Variants in STAG1 observed in about 807,000 individuals in gnomAD.
The protein encoded by STAG1 is STAG1 cohesin complex component.
STAG1 carries 26 observed loss-of-function variants against 170.9 expected under a neutral mutation model. The observed-to-expected ratio is 0.15, with a 90% CI of 0.11 to 0.21. STAG1 has a LOEUF of 0.21. Ranked by LOEUF, STAG1 falls within the 10% of genes least tolerant of loss-of-function variation. The pLI, the probability that STAG1 is intolerant of heterozygous loss-of-function variation, is 1.00. For synonymous variants in STAG1, 514 were observed against 497.7 expected (o/e 1.03, Z -0.44); for missense variants, 964 against 1,509.5 (o/e 0.64, Z 5.99).
intron 1 of STAG1, among the ~76,000 whole-genome samples, chr3:136,699,646 C>T (rs926847290): frequency 6.6e-6 from 1 of 151,598 alleles, no homozygotes; most frequent in African/African-American, 2.4e-5. Flanking sequence ...AGGTAGAGGC[C>T]ATTGTTCTAA....
chr3:136,640,696 CAG>C (rs1940760294), intron 1 of STAG1, among the ~76,000 whole-genome samples: 1 of 142,650 alleles, frequency 7.0e-6, no homozygotes, highest in Non-Finnish European at 1.5e-5. Flanking sequence ...TTTTTTTAGA[CAG>C]AGTCTTGCTC....
intron 1 of STAG1, among the ~76,000 whole-genome samples, chr3:136,644,305 G>C: frequency 6.6e-6 from 1 of 152,090 alleles, no homozygotes; most frequent in Non-Finnish European, 1.5e-5. Flanking sequence ...TAAAATTAGG[G>C]GAAGAACAAG....
intron 22 of STAG1, among the ~76,000 whole-genome samples, chr3:136,393,716 C>A (rs188947648): frequency 1.8e-4 from 27 of 151,162 alleles, no homozygotes; most frequent in African/African-American, 6.5e-4. Context: ...CTGCCTCAGA[C>A]TCCCGAGTAG....
chr3:136,505,200 A>T (rs1446888122), intron 7 of STAG1, among the ~76,000 whole-genome samples: 3 of 152,236 alleles, frequency 2.0e-5, no homozygotes, highest in Admixed American at 2.0e-4. Flanking sequence ...GTAAGTTAAT[A>T]ATCCTGCAGG....
intron 6 of STAG1, among the ~76,000 whole-genome samples, chr3:136,538,065 T>C (rs910552939): frequency 5.3e-5 from 8 of 152,176 alleles, no homozygotes; most frequent in Non-Finnish European, 8.8e-5. Flanking sequence ...ATTAGAACCA[T>C]GTCTAAATAA....
At chr3:136,692,656 A>G (rs1304942930) in intron 1 of STAG1, among the ~76,000 whole-genome samples, 1 of 152,146 alleles carries the variant, frequency 6.6e-6, no homozygotes, top group Admixed American at 6.5e-5. Flanking sequence ...AGTCAATTAC[A>G]GTGAAAAATT....
In STAG1 at chr3:136,422,697, A is replaced by G. The variant is rs150692804; in HGVS notation, c.1833+71T>C. On this transcript the variant is annotated intron_variant, in intron 18 of 33. Coordinates refer to ENST00000383202, the MANE Select transcript of STAG1 (RefSeq NM_005862.3). ...TTAGCATCTGTCAAATAACAAGTCTATAAGAGTACATGAAAATAATTCAGT... is the reference window on the plus strand; with the variant it reads ...TTAGCATCTGTCAAATAACAAGTCTGTAAGAGTACATGAAAATAATTCAGT... 9.6e-5 allele frequency: 146 copies of G among 1,520,222 alleles called. No homozygotes were observed. In the East Asian group the frequency reaches 2.8e-3, roughly 30 times the overall value. The allele number at this position is 1,520,222 out of a possible 1,614,324, so 94.2% of individuals were successfully genotyped here.
Position 136,604,383 on chromosome 3 carries a change from G to C in STAG1, c.223C>G (p.His75Asp), listed in dbSNP as rs141401654. ...TCCCCTTCCCCATTCTGTTGAGGGTGTCCATTAGCTCTTCCACGGCCTGCT... is the reference window on the plus strand; with the variant it reads ...TCCCCTTCCCCATTCTGTTGAGGGTCTCCATTAGCTCTTCCACGGCCTGCT... ...RGAGRGRANG[H>D]PQQNGEGEPV... Residue 75 changes from histidine to aspartate, a missense_variant, in exon 4 of 34, where the codon CAC becomes GAC. His to Asp is a moderately conservative substitution (Grantham distance 81). Transcript: ENST00000383202. 1.2e-6 allele frequency: 2 copies of C among 1,613,680 alleles called. No individual in the cohort carries two copies. The highest frequency in any genetic ancestry group is 3.3e-5 in the Admixed American group (2 of 59,964).
At chr3:136,431,096 G>A (rs1481730686) in intron 16 of STAG1, among the ~76,000 whole-genome samples, 3 of 151,902 alleles carry the variant, frequency 2.0e-5, no homozygotes, top group Admixed American at 6.6e-5. Flanking sequence ...TAGAGATGGG[G>A]TTTCGCCATG....
chr3:136,515,293 A>C (rs1934305673), intron 7 of STAG1, among the ~76,000 whole-genome samples: 1 of 152,162 alleles, frequency 6.6e-6, no homozygotes, highest in African/African-American at 2.4e-5. Flanking sequence ...TGAACTCAGG[A>C]GGGGGAGGTT....
At chr3:136,444,730 G>A (rs1034795079) in intron 14 of STAG1, among the ~76,000 whole-genome samples, 3 of 152,200 alleles carry the variant, frequency 2.0e-5, no homozygotes, top group Admixed American at 2.0e-4. Context: ...ATCATAAGTA[G>A]TGGCCCAAAA....
At chr3:136,527,532 TCCAAC>T (rs1289783423) in intron 6 of STAG1, among the ~76,000 whole-genome samples, 11 of 152,184 alleles carry the variant, frequency 7.2e-5, no homozygotes, top group Non-Finnish European at 1.6e-4. Flanking sequence ...TGTGATGGGT[TCCAAC>T]TTCCTCCTTT....
At chr3:136,475,442 C>A (rs553789688) in intron 10 of STAG1, among the ~76,000 whole-genome samples, 66 of 152,262 alleles carry the variant, frequency 4.3e-4, no homozygotes, top group Admixed American at 1.0e-3. Context: ...TCATCATGCC[C>A]AGCCAACAGG....
At chr3:136,462,956 T>C (rs2089314984) in intron 13 of STAG1, among the ~76,000 whole-genome samples, 1 of 152,186 alleles carries the variant, frequency 6.6e-6, no homozygotes, top group East Asian at 1.9e-4. Context: ...TATTTTTCTC[T>C]CTGAAACTAC....
At chr3:136,588,253 T>C (rs1393953314) in intron 4 of STAG1, among the ~76,000 whole-genome samples, 1 of 152,140 alleles carries the variant, frequency 6.6e-6, no homozygotes, top group Non-Finnish European at 1.5e-5. Flanking sequence ...TTAACATTAG[T>C]GTCATTAAAG....
At chr3:136,656,895 T>C (rs1043009723) in intron 1 of STAG1, among the ~76,000 whole-genome samples, 1 of 151,970 alleles carries the variant, frequency 6.6e-6, no homozygotes, top group African/African-American at 2.4e-5. Flanking sequence ...AAATCAATAA[T>C]CTTTAGTTCA....
chr3:136,663,169 CTGTT>C (rs1298835153), intron 1 of STAG1, among the ~76,000 whole-genome samples: 1 of 151,884 alleles, frequency 6.6e-6, no homozygotes, highest in Non-Finnish European at 1.5e-5. Context: ...GATAAAAAAG[CTGTT>C]TGTTTTTTTA....
intron 1 of STAG1, among the ~76,000 whole-genome samples, chr3:136,735,132 T>G (rs1349445813): frequency 6.6e-6 from 1 of 152,126 alleles, no homozygotes; most frequent in Non-Finnish European, 1.5e-5. Context: ...CCTTTTTTTT[T>G]TGGAGATGGA....
intron 1 of STAG1, among the ~76,000 whole-genome samples, chr3:136,661,184 A>G (rs1165628541): frequency 2.6e-5 from 4 of 152,224 alleles, no homozygotes; most frequent in African/African-American, 7.2e-5. Context: ...TGTTGTATTC[A>G]TAAAGTATTT....
Sources: allele counts gnomAD v4.1 joint callset (sites outside exome capture counted in the v4.1 genomes callset), GRCh38; gene constraint gnomAD v4.1.1; transcripts MANE v1.5; gene names NCBI Gene and HGNC (gene_info 2026-07-23, HGNC 2026-07-21).